Variants in BFSP2 observed in about 807,000 individuals in gnomAD.
BFSP2 encodes beaded filament structural protein 2.
Under a neutral mutation model 44.9 loss-of-function variants are expected in BFSP2, and 38 were observed. The ratio of observed to expected loss-of-function variants is 0.85; its 90% CI spans 0.65 to 1.11. The LOEUF is 1.11. Ranked by LOEUF, BFSP2 falls within the 50% of genes least tolerant of loss-of-function variation. BFSP2 has a pLI of 0.00. For synonymous variants in BFSP2, 197 were observed against 209.9 expected (o/e 0.94, Z 0.53); for missense variants, 525 against 533.0 (o/e 0.99, Z 0.15).
chr3:133,446,276 C>T (rs2073896004), intron 1 of BFSP2, among the ~76,000 whole-genome samples: 1 of 151,828 alleles, frequency 6.6e-6, no homozygotes, highest in Non-Finnish European at 1.5e-5. Flanking sequence ...CAAAAATTAG[C>T]TGGGCGCAGT....
intron 1 of BFSP2, among the ~76,000 whole-genome samples, chr3:133,437,786 C>T (rs781460446): frequency 3.3e-5 from 5 of 152,122 alleles, no homozygotes; most frequent in Non-Finnish European, 7.4e-5. Context: ...AGAGGGAGCA[C>T]CGTGAAAAAT....
intron 1 of BFSP2, among the ~76,000 whole-genome samples, chr3:133,411,383 T>C (rs1268028599): frequency 1.3e-5 from 2 of 151,884 alleles, no homozygotes; most frequent in African/African-American, 2.4e-5. Flanking sequence ...AGAAAAATAA[T>C]AGAATTATTA....
Position 133,456,405 on chromosome 3 carries a change from T to A in BFSP2, c.891+5941T>A, listed in dbSNP as rs546081031. ...CCATCTAACTGAAATATCGCAATGATGGGCATATTCTATAATCCATGCAGC... is the reference window on the plus strand; with the variant it reads ...CCATCTAACTGAAATATCGCAATGAAGGGCATATTCTATAATCCATGCAGC... On this transcript the variant is annotated intron_variant, in intron 4 of 6. Transcript: ENST00000302334. 1.0e-3 allele frequency among the ~76,000 whole-genome samples: 159 copies of A among 152,316 alleles called. No homozygotes were observed. The South Asian group carries it at 0.012, about 12-fold the overall frequency.
At chr3:133,413,095 G>A (rs1051400578) in intron 1 of BFSP2, among the ~76,000 whole-genome samples, 5 of 152,186 alleles carry the variant, frequency 3.3e-5, no homozygotes, top group African/African-American at 4.8e-5. Context: ...GAGAGGGCTG[G>A]GGCTGGAGAC....
chr3:133,444,824 G>A (rs1010286731), intron 1 of BFSP2, among the ~76,000 whole-genome samples: 6 of 152,064 alleles, frequency 3.9e-5, no homozygotes, highest in South Asian at 2.1e-4. Flanking sequence ...CTGGACCACC[G>A]CAAGAGCCTC....
chr3:133,473,604 G>A (rs1246060396), intron 6 of BFSP2, among the ~76,000 whole-genome samples: 3 of 151,070 alleles, frequency 2.0e-5, no homozygotes, highest in South Asian at 2.1e-4. Flanking sequence ...AGGACCCTGC[G>A]GCCTTCCGCA....
At chr3:133,457,945 TCACTAA>T (rs2074027069) in intron 4 of BFSP2, among the ~76,000 whole-genome samples, 1 of 152,236 alleles carries the variant, frequency 6.6e-6, no homozygotes, top group South Asian at 2.1e-4. Flanking sequence ...AAGAAATTAG[TCACTAA>T]CATGGTATAC....
intron 1 of BFSP2, among the ~76,000 whole-genome samples, chr3:133,445,086 C>T (rs2073885182): frequency 6.6e-6 from 1 of 152,182 alleles, no homozygotes; most frequent in South Asian, 2.1e-4. Context: ...CTGGCATAAA[C>T]AGTAATTATG....
rs540920442 is a variant in BFSP2, at chr3:133,475,131, T to G, written c.*159T>G. ...TTCCTGGAAGTGGAGAGGATCCTTC[T>G]GCTTTAATCTGAGTAGTCTGTAGCT... On this transcript the variant is annotated 3_prime_UTR_variant, in exon 7 of 7. Transcript: ENST00000302334. 554 of 988,092 alleles carry G rather than the reference T, an allele frequency of 5.6e-4. 1 individual carries two copies. Among genetic ancestry groups the G allele is most frequent in the Non-Finnish European group, 8.1e-4 (511 of 627,856 alleles). The allele number at this position is 988,092 out of a possible 1,614,324, so 61.2% of individuals were successfully genotyped here. A position where few individuals can be genotyped will look rare whatever the true frequency, so the allele number is the denominator to read the frequency against.
At chr3:133,468,053 CCAATGTGTGGATG>C (rs1293617511) in intron 5 of BFSP2, among the ~76,000 whole-genome samples, 8 of 152,166 alleles carry the variant, frequency 5.3e-5, no homozygotes, top group Admixed American at 3.3e-4. Context: ...CTAGGGGGAT[CCAATGTGTGGATG>C]CACATGAGCA....
intron 4 of BFSP2, among the ~76,000 whole-genome samples, chr3:133,465,705 CCTG>C (rs1294885249): frequency 6.6e-6 from 1 of 152,158 alleles, no homozygotes; most frequent in African/African-American, 2.4e-5. Context: ...TTGGATAACT[CCTG>C]GTTTGAGGGC....
rs142287167 is a variant in BFSP2 at position 133,403,363 on chromosome 3, C to A, written c.489+2791C>A. 1.1e-4 allele frequency among the ~76,000 whole-genome samples: 17 copies of A among 152,280 alleles called. No individual in the cohort carries two copies. In the East Asian group the frequency reaches 1.7e-3, roughly 16 times the overall value. ...CTCCACCTGCAGCTGCCTCTTCCCC[C>A]CCTTGTCCACAGAACTCCTCCTGGT... On this transcript the variant is annotated intron_variant, in intron 1 of 6. Coordinates refer to ENST00000302334, the MANE Select transcript of BFSP2 (RefSeq NM_003571.4).
intron 1 of BFSP2, among the ~76,000 whole-genome samples, chr3:133,437,459 G>T (rs1417989710): frequency 6.6e-6 from 1 of 151,970 alleles, no homozygotes; most frequent in Non-Finnish European, 1.5e-5. Context: ...GGAGGTGGAG[G>T]TTGCGGCGAG....
intron 1 of BFSP2, among the ~76,000 whole-genome samples, chr3:133,409,097 G>A (rs2073426999): frequency 6.6e-6 from 1 of 152,242 alleles, no homozygotes; most frequent in Non-Finnish European, 1.5e-5. Context: ...ACTATTCCAA[G>A]TGGCTTTTTA....
intron 6 of BFSP2, among the ~76,000 whole-genome samples, chr3:133,473,741 C>T (rs1432256029): frequency 6.6e-6 from 1 of 151,772 alleles, no homozygotes; most frequent in Non-Finnish European, 1.5e-5. Flanking sequence ...CCTGAGTGGA[C>T]ACAGCACATG....
chr3:133,440,265 C>T (rs1460104692), intron 1 of BFSP2, among the ~76,000 whole-genome samples: 6 of 152,134 alleles, frequency 3.9e-5, no homozygotes, highest in African/African-American at 1.4e-4. Flanking sequence ...CAGGTCCCTC[C>T]CACAACACGT....
chr3:133,458,358 G>T (rs554953700), intron 4 of BFSP2, among the ~76,000 whole-genome samples: 7 of 152,302 alleles, frequency 4.6e-5, no homozygotes, highest in Admixed American at 6.5e-5. Flanking sequence ...GTCTCATTGA[G>T]GTAGGTACTG....
chr3:133,400,202 C>T lies in BFSP2; in HGVS notation c.119C>T (p.Pro40Leu), dbSNP rs556459273. Residue 40 changes from proline (P) to leucine (L), a missense_variant, in exon 1 of 7, where the codon CCA becomes CTA. Physicochemically the swap from Pro to Leu is moderately conservative, Grantham distance 98 (BLOSUM62 -3). Transcript: ENST00000302334. This position sits in a 1 kb window ranked among gnomAD's most constrained non-coding sequence, Gnocchi z 4.0. ...TCATCATCCTCCCTGGAGAGCCCCCCAGCCTCCAGGACCAATGCCATGAGT... is the reference window on the plus strand; with the variant it reads ...TCATCATCCTCCCTGGAGAGCCCCCTAGCCTCCAGGACCAATGCCATGAGT... ...PRSSSSLESP[P>L]ASRTNAMSGL... is the part of the protein sequence containing the mutation. 1.9e-6 allele frequency: 3 copies of T among 1,614,114 alleles called. No individual in the cohort carries two copies. The highest frequency in any genetic ancestry group is 2.5e-6 in the Non-Finnish European group (3 of 1,180,020).
intron 4 of BFSP2, among the ~76,000 whole-genome samples, chr3:133,462,000 C>T (rs942514073): frequency 2.0e-5 from 3 of 152,154 alleles, no homozygotes; most frequent in African/African-American, 7.2e-5. Context: ...ATCCTCTACC[C>T]ACTGCAAGGG....
Sources: allele counts gnomAD v4.1 joint callset (sites outside exome capture counted in the v4.1 genomes callset), GRCh38; gene constraint gnomAD v4.1.1; non-coding constraint Gnocchi (gnomAD v3.1); transcripts MANE v1.5; gene names NCBI Gene and HGNC (gene_info 2026-07-23, HGNC 2026-07-21).